TBC1D19: variants seen among roughly 807,000 people sequenced by gnomAD.
The protein encoded by TBC1D19 is TBC1 domain family member 19, also known as TBC1 domain family, member 19.
TBC1D19 carries 60 observed loss-of-function variants against 89.0 expected under a neutral mutation model. The observed-to-expected ratio is 0.67, with a 90% CI of 0.55 to 0.84. TBC1D19 has a LOEUF of 0.84. Among genes scored for constraint, TBC1D19 ranks in the 40% least tolerant of loss-of-function variants. The pLI is 0.00. For missense variants in TBC1D19, 500 were observed against 610.8 expected, an observed-to-expected ratio of 0.82 and a Z score of 1.91; for synonymous variants, 189 against 199.7, an observed-to-expected ratio of 0.95 and a Z score of 0.45.
At chr4:26,729,377 A>AT (rs1350666553) in intron 15 of TBC1D19, among the ~76,000 whole-genome samples, 1 of 152,260 alleles carries the variant, frequency 6.6e-6, no homozygotes, top group Admixed American at 6.5e-5. Context: ...CATGAGTTGT[A>AT]TACTCAGATG....
At chr4:26,721,686 C>G (rs568656442) in intron 15 of TBC1D19, among the ~76,000 whole-genome samples, 2 of 152,170 alleles carry the variant, frequency 1.3e-5, no homozygotes, top group Non-Finnish European at 2.9e-5. Context: ...AGCTTCTCAG[C>G]ATGACATATG....
At chr4:26,850,369 G>A in the TBC1D19 span, among the ~76,000 whole-genome samples, 4 of 151,388 alleles carry the variant, frequency 2.6e-5, no homozygotes, top group Non-Finnish European at 5.9e-5. Context: ...GAAACATGGT[G>A]AAACCTCATC....
chr4:26,666,870 A>G (rs1408457191), intron 9 of TBC1D19, among the ~76,000 whole-genome samples: 4 of 151,898 alleles, frequency 2.6e-5, no homozygotes, highest in Admixed American at 6.6e-5. Context: ...TAAATACTAC[A>G]CTGGTATTTA....
At chr4:26,764,003 A>T in the TBC1D19 span, among the ~76,000 whole-genome samples, 5 of 152,224 alleles carry the variant, frequency 3.3e-5, no homozygotes, top group African/African-American at 1.2e-4. Flanking sequence ...TATGTTATCT[A>T]TAAATAGGCA....
chr4:26,655,289 C>T (rs934390586), intron 7 of TBC1D19, among the ~76,000 whole-genome samples: 2 of 152,180 alleles, frequency 1.3e-5, no homozygotes, highest in South Asian at 2.1e-4. Context: ...CCTACTGGGG[C>T]GTGCCTCCCA....
chr4:26,636,711 A>T (rs1000783309), intron 4 of TBC1D19, among the ~76,000 whole-genome samples: 2 of 152,030 alleles, frequency 1.3e-5, no homozygotes, highest in African/African-American at 4.8e-5. Flanking sequence ...TGATATTGTG[A>T]TATGTTGGAA....
At chr4:26,802,490 T>C in the TBC1D19 span, among the ~76,000 whole-genome samples, 1 of 152,074 alleles carries the variant, frequency 6.6e-6, no homozygotes, top group Admixed American at 6.6e-5. Flanking sequence ...TAATCCCAAC[T>C]ACTTGAGAGT....
At chr4:26,678,931 T>G (rs937147889) in intron 11 of TBC1D19, among the ~76,000 whole-genome samples, 3 of 152,172 alleles carry the variant, frequency 2.0e-5, no homozygotes, top group African/African-American at 7.2e-5. Context: ...ATTTCACACT[T>G]TGCACTTGAG....
the TBC1D19 span, among the ~76,000 whole-genome samples, chr4:26,847,077 T>C: frequency 1.3e-5 from 2 of 152,196 alleles, no homozygotes; most frequent in African/African-American, 4.8e-5. Flanking sequence ...TGGCAGAAAC[T>C]CCTACTTGGG....
the TBC1D19 span, among the ~76,000 whole-genome samples, chr4:26,766,368 G>A: frequency 1.3e-4 from 20 of 152,290 alleles, no homozygotes; most frequent in African/African-American, 4.6e-4. Context: ...CCAACCCAGC[G>A]TTTCAGCCCT....
chr4:26,743,171 TA>T (rs569922725), intron 18 of TBC1D19, among the ~76,000 whole-genome samples: 6 of 151,422 alleles, frequency 4.0e-5, no homozygotes, highest in South Asian at 4.2e-4. Context: ...CTCTCTCTTT[TA>T]AAAAAAAATG....
At chr4:26,654,050 C>A (rs1744605169) in intron 7 of TBC1D19, among the ~76,000 whole-genome samples, 1 of 152,124 alleles carries the variant, frequency 6.6e-6, no homozygotes, top group Non-Finnish European at 1.5e-5. Context: ...CCTTCAGGAG[C>A]TCTTTTAGGG....
At chr4:26,762,316 A>G in the TBC1D19 span, among the ~76,000 whole-genome samples, 1 of 152,220 alleles carries the variant, frequency 6.6e-6, no homozygotes, top group Admixed American at 6.5e-5. Context: ...TGCCTTTGTC[A>G]TATTAATTAG....
chr4:26,698,912 A>G (rs1277008794), intron 13 of TBC1D19, among the ~76,000 whole-genome samples: 3 of 152,230 alleles, frequency 2.0e-5, no homozygotes, highest in Non-Finnish European at 4.4e-5. Flanking sequence ...TAAAATCCCT[A>G]GAAGAAAACC....
In TBC1D19 at chr4:26,683,765, C is replaced by T. The variant is rs762145678; in HGVS notation, c.891+16C>T. On this transcript the variant is annotated intron_variant, in intron 12 of 20. Coordinates refer to ENST00000264866, the MANE Select transcript of TBC1D19 (RefSeq NM_018317.4). The stretch of plus-strand genomic sequence containing the variant: ...AATCTATAAAGTAAGTAAAAGTCAG[C>T]TTAGTTTTTCCTTTTCATTAATATA... The T allele has an allele frequency of 6.3e-7, 1 of 1,597,580 alleles. No homozygotes were observed. Among genetic ancestry groups the T allele is most frequent in the East Asian group, 2.2e-5 (1 of 44,590 alleles).
At chr4:26,702,764 T>C (rs1413802094) in intron 13 of TBC1D19, among the ~76,000 whole-genome samples, 2 of 152,176 alleles carry the variant, frequency 1.3e-5, no homozygotes, top group Non-Finnish European at 2.9e-5. Flanking sequence ...GTGTACAGTA[T>C]AGTAGTATTA....
chr4:26,764,534 G>T, the TBC1D19 span, among the ~76,000 whole-genome samples: 14 of 152,176 alleles, frequency 9.2e-5, no homozygotes, highest in African/African-American at 3.1e-4. Context: ...TTAGCAGTAA[G>T]AAAGATGATA....
chr4:26,584,388 C>G (rs1230502571), intron 1 of TBC1D19, 96 bp downstream of exon 1: 1 of 1,077,256 alleles, frequency 9.3e-7, no homozygotes, highest in African/African-American at 1.6e-5. Flanking sequence ...CGCCTCTGAC[C>G]TCTCCAGCTC....
At chr4:26,832,792 G>A in the TBC1D19 span, among the ~76,000 whole-genome samples, 1 of 152,122 alleles carries the variant, frequency 6.6e-6, no homozygotes, top group Non-Finnish European at 1.5e-5. Context: ...CAGGTGACCA[G>A]AGACCAGCCT....
Sources: allele counts gnomAD v4.1 joint callset (sites outside exome capture counted in the v4.1 genomes callset), GRCh38; gene constraint gnomAD v4.1.1; transcripts MANE v1.5; gene names NCBI Gene and HGNC (gene_info 2026-07-23, HGNC 2026-07-21).